The following CD72 variants were observed in gnomAD, a reference collection of about 807,000 sequenced individuals.
CD72 encodes CD72 molecule.
Under a neutral mutation model 50.7 loss-of-function variants are expected in CD72, and 28 were observed. The ratio of observed to expected loss-of-function variants is 0.55; its 90% CI spans 0.41 to 0.76. CD72 has a LOEUF of 0.76. Among genes scored for constraint, CD72 ranks in the 30% least tolerant of loss-of-function variants. The pLI is 0.00. For synonymous variants in CD72, 176 were observed against 171.2 expected, an observed-to-expected ratio of 1.03 and a Z score of -0.22; for missense variants, 403 against 420.6, an observed-to-expected ratio of 0.96 and a Z score of 0.37.
intron 8 of CD72, 48 bp from the exon 9 acceptor site, chr9:35,610,348 C>A: frequency 2.7e-6 from 1 of 373,208 alleles, no homozygotes; most frequent in Non-Finnish European, 4.9e-6. Flanking sequence ...TTAACTGAAC[C>A]CTCATCCCAC....
chr9:35,627,914 T>C (rs1262283342), intron 1 of CD72, among the ~76,000 whole-genome samples: 2 of 151,974 alleles, frequency 1.3e-5, no homozygotes, highest in African/African-American at 2.4e-5. Context: ...TAGATCACTG[T>C]AGCCTCAAAC....
upstream of CD72, chr9:35,618,564 AG>A: frequency 1.3e-6 from 1 of 796,996 alleles, no homozygotes; most frequent in Non-Finnish European, 2.0e-6. Flanking sequence ...ACACAGGGGT[AG>A]GGGATGGGCC....
intron 1 of CD72, among the ~76,000 whole-genome samples, chr9:35,631,224 T>G (rs1823242948): frequency 6.6e-6 from 1 of 152,186 alleles, no homozygotes; most frequent in South Asian, 2.1e-4. Flanking sequence ...TTTTTATTTT[T>G]ACTAGTCTTT....
At chr9:35,613,569 T>G (rs893742514) in intron 5 of CD72, among the ~76,000 whole-genome samples, 2 of 152,150 alleles carry the variant, frequency 1.3e-5, no homozygotes, top group African/African-American at 2.4e-5. Context: ...CCTCTCTCCA[T>G]TGCTTTGTTC....
In CD72 at chr9:35,645,746, C is replaced by T. The variant is rs575022532; in HGVS notation, n.408+657G>A. ...CTCCACAACCCAGCTCTGTTTCCCT[C>T]CTTGTAAGAAAACCAAGCTGGAAGT... On this transcript the variant is annotated intron_variant and non_coding_transcript_variant, in intron 1 of 3. Transcript: ENST00000465754. Among the ~76,000 whole-genome samples the T allele has an allele frequency of 3.9e-5, 6 of 152,358 alleles. No homozygotes were observed. In the South Asian group the frequency reaches 1.0e-3, roughly 26 times the overall value.
At position 35,616,033 on chromosome 9, in the gene CD72, G is replaced by T; in HGVS notation, c.598C>A (p.Gln200Lys). The T allele has an allele frequency of 2.5e-6, 4 of 1,614,042 alleles. No individual in the cohort carries two copies. The highest frequency in any genetic ancestry group is 3.4e-6 in the Non-Finnish European group (4 of 1,180,020). Residue 200 changes from glutamine (Q) to lysine (K), a missense_variant, in exon 5 of 9, where the codon CAA becomes AAA. Gln to Lys is a moderately conservative substitution (Grantham distance 53). Transcript: ENST00000259633. ...ADRQKTKETL[Q>K]SEEQQRRALE... ...GCCCTCCTCTGTTGCTCCTCACTTT[G>T]CAAGGTCTCCTTCGTCTTCTGTCTG...
At chr9:35,638,300 C>A (rs1486233190) in intron 1 of CD72, among the ~76,000 whole-genome samples, 1 of 152,044 alleles carries the variant, frequency 6.6e-6, no homozygotes, top group Admixed American at 6.6e-5. Flanking sequence ...ACCCATCTGA[C>A]CTCTCCCCTC....
At chr9:35,611,023 G>A (rs1410099428) in intron 7 of CD72, among the ~76,000 whole-genome samples, 3 of 152,150 alleles carry the variant, frequency 2.0e-5, no homozygotes, top group East Asian at 1.9e-4. Flanking sequence ...AGGCCAAGGC[G>A]GGTGGATCAC....
At chr9:35,641,120 A>C (rs1332971811) in intron 1 of CD72, among the ~76,000 whole-genome samples, 1 of 152,180 alleles carries the variant, frequency 6.6e-6, no homozygotes, top group East Asian at 1.9e-4. Context: ...AGGTTGGCTG[A>C]TGACCGCTGT....
At chr9:35,642,607 C>T (rs890773896) in intron 1 of CD72, 2 of 152,208 alleles carry the variant, frequency 1.3e-5, no homozygotes, top group African/African-American at 4.8e-5. Context: ...AAAGAAAAGT[C>T]TTGCCCCATT....
At chr9:35,622,641 GC>G (rs1823154888), upstream of CD72, among the ~76,000 whole-genome samples, 1 of 152,032 alleles carries the variant, frequency 6.6e-6, no homozygotes, top group African/African-American at 2.4e-5. Context: ...ACAAAAATTA[GC>G]CGGGCATGGC....
At chr9:35,615,689 G>C (rs1484633748) in intron 5 of CD72, among the ~76,000 whole-genome samples, 1 of 150,998 alleles carries the variant, frequency 6.6e-6, no homozygotes, top group Non-Finnish European at 1.5e-5. Context: ...TGGACAGTGT[G>C]ATTTGGACTG....
chr9:35,617,276 C>G, intron 2 of CD72, 29 bp from the exon 3 acceptor site: 1 of 1,525,106 alleles, frequency 6.6e-7, no homozygotes, highest in African/African-American at 1.4e-5. Flanking sequence ...AGTGTGAGAC[C>G]GGAAGCCCCG....
upstream of CD72, among the ~76,000 whole-genome samples, chr9:35,619,339 A>T (rs1040231778): frequency 6.6e-6 from 1 of 152,040 alleles, no homozygotes; most frequent in Non-Finnish European, 1.5e-5. Flanking sequence ...TTTTACCGGG[A>T]TGTGACCCCT....
At chr9:35,636,259 G>A (rs540910136) in intron 1 of CD72, among the ~76,000 whole-genome samples, 1 of 152,240 alleles carries the variant, frequency 6.6e-6, no homozygotes, top group African/African-American at 2.4e-5. Context: ...GCAGGGGGTG[G>A]GGGCAAAGTC....
chr9:35,619,670 G>A (rs1823125754), upstream of CD72: 1 of 152,280 alleles, frequency 6.6e-6, no homozygotes, highest in African/African-American at 2.4e-5. Flanking sequence ...ACGTGTGCAT[G>A]TGTGTGCATG....
At chr9:35,630,099 G>A (rs1482638645) in intron 1 of CD72, among the ~76,000 whole-genome samples, 13 of 142,862 alleles carry the variant, frequency 9.1e-5, no homozygotes, top group Admixed American at 5.2e-4. Context: ...GAGTGCAGCC[G>A]CGCGTCTCAG....
intron 6 of CD72, 188 bp downstream of exon 6, chr9:35,612,660 A>G: frequency 3.6e-6 from 2 of 562,610 alleles, no homozygotes; most frequent in Non-Finnish European, 6.3e-6. Flanking sequence ...GGCTGCCTGG[A>G]CCACTGTGCT....
upstream of CD72, among the ~76,000 whole-genome samples, chr9:35,623,632 C>T (rs959122559): frequency 5.3e-5 from 8 of 152,090 alleles, no homozygotes; most frequent in African/African-American, 9.7e-5. Flanking sequence ...AATTAGCAAG[C>T]GAGGCCTGGC....
Sources: allele counts gnomAD v4.1 joint callset (sites outside exome capture counted in the v4.1 genomes callset), GRCh38; gene constraint gnomAD v4.1.1; transcripts MANE v1.5; gene names NCBI Gene and HGNC (gene_info 2026-07-23, HGNC 2026-07-21).